Variants in MLLT10 observed in about 807,000 individuals in gnomAD.
MLLT10 encodes the protein protein AF-10.
MLLT10 carries 30 observed loss-of-function variants against 129.1 expected under a neutral mutation model. The observed-to-expected ratio is 0.23, with a 90% CI of 0.17 to 0.32. The LOEUF is 0.32. Among genes scored for constraint, MLLT10 ranks in the 10% least tolerant of loss-of-function variants. MLLT10 has a pLI of 1.00. For missense variants in MLLT10, 1,119 were observed against 1,268.3 expected (o/e 0.88, Z 1.79); for synonymous variants, 490 against 446.4 (o/e 1.10, Z -1.23).
chr10:21,575,827 T>A (rs1486268685), intron 3 of MLLT10, among the ~76,000 whole-genome samples: 1 of 152,204 alleles, frequency 6.6e-6, no homozygotes, highest in Non-Finnish European at 1.5e-5. Context: ...GTGCATACAT[T>A]TATAATTATT....
chr10:21,738,310 G>GTTTTTTTT, intron 21 of MLLT10: 1 of 934,478 alleles, frequency 1.1e-6, no homozygotes, highest in Non-Finnish European at 1.4e-6. Context: ...ATGGGATCTT[G>GTTTTTTTT]TTTTTTCTTA....
chr10:21,714,102 T>C (rs929514743), intron 14 of MLLT10, 152 bp downstream of exon 14: 4 of 614,090 alleles, frequency 6.5e-6, no homozygotes, highest in Non-Finnish European at 1.1e-5. Context: ...AAATGATAGG[T>C]ATTTTTACAT....
rs556234992 is a variant in MLLT10 at position 21,702,505 on chromosome 10, C to G, written c.1700-11267C>G. On this transcript the variant is annotated intron_variant, in intron 13 of 22. Coordinates refer to ENST00000307729, the MANE Select transcript of MLLT10 (RefSeq NM_001195626.3). ...TTGATTTTCTGTGCCAGTGATCTAT[C>G]TAATGTTGAGAGTGGGTTGTTGAAG... Among the ~76,000 whole-genome samples the G allele has an allele frequency of 1.1e-3, 163 of 152,272 alleles. 1 individual carries two copies. The highest frequency in any genetic ancestry group is 3.8e-3 in the African/African-American group (156 of 41,552).
At chr10:21,700,736 G>A (rs1481786873) in intron 13 of MLLT10, among the ~76,000 whole-genome samples, 2 of 152,010 alleles carry the variant, frequency 1.3e-5, no homozygotes, top group East Asian at 3.9e-4. Context: ...TGTTGAATTC[G>A]GTTTGCTAGC....
At chr10:21,716,697 CA>C (rs869027358) in intron 14 of MLLT10, among the ~76,000 whole-genome samples, 237 of 125,476 alleles carry the variant, frequency 1.9e-3, no homozygotes, top group East Asian at 3.7e-3. Flanking sequence ...TCTGTCTCCC[CA>C]AAAAAAAAAA....
At position 21,538,762 on chromosome 10, in the gene MLLT10, T is replaced by G. The variant is rs115492946; in HGVS notation, c.161-71T>G. The G allele has an allele frequency of 1.1e-3, 1,237 of 1,130,604 alleles. 7 individuals carry two copies. The African/African-American group carries it at 0.016, about 15-fold the overall frequency. 70.0% of individuals were successfully genotyped at this position (1,130,604 alleles called of 1,614,324 possible). The stretch of plus-strand genomic sequence containing the variant: ...ATAGTGACAGGTGGATTAATAGGGC[T>G]TTGAAAGGGTATTTGATTTTTCCAT... On this transcript the variant is annotated intron_variant, in intron 2 of 22. Coordinates refer to ENST00000307729, the MANE Select transcript of MLLT10 (RefSeq NM_001195626.3).
At chr10:21,728,283 T>G (rs1159824013) in intron 16 of MLLT10, among the ~76,000 whole-genome samples, 1 of 152,214 alleles carries the variant, frequency 6.6e-6, no homozygotes, top group Non-Finnish European at 1.5e-5. Flanking sequence ...TTAGCTCTGT[T>G]CTGTGTAGCA....
chr10:21,571,095 T>C (rs1564431894), intron 3 of MLLT10, among the ~76,000 whole-genome samples: 2 of 152,224 alleles, frequency 1.3e-5, no homozygotes, highest in African/African-American at 4.8e-5. Flanking sequence ...TTCTTAGTAC[T>C]CCTATGTCAT....
chr10:21,565,573 C>T (rs979966066), intron 3 of MLLT10, among the ~76,000 whole-genome samples: 8 of 149,046 alleles, frequency 5.4e-5, no homozygotes, highest in African/African-American at 2.0e-4. Context: ...TCCCAAAGTG[C>T]TGGGATTACA....
At chr10:21,684,860 C>T (rs372709362) in intron 13 of MLLT10, among the ~76,000 whole-genome samples, 1 of 152,168 alleles carries the variant, frequency 6.6e-6, no homozygotes, top group East Asian at 1.9e-4. Context: ...CTTGTAGTTT[C>T]CTGATGTTAT....
At chr10:21,689,881 A>G (rs2131431106) in intron 13 of MLLT10, among the ~76,000 whole-genome samples, 1 of 151,918 alleles carries the variant, frequency 6.6e-6, no homozygotes, top group African/African-American at 2.4e-5. Flanking sequence ...TTTTGTTACA[A>G]TCTAACCAAA....
At chr10:21,597,867 T>C (rs1336566132) in intron 5 of MLLT10, among the ~76,000 whole-genome samples, 1 of 152,260 alleles carries the variant, frequency 6.6e-6, no homozygotes, top group African/African-American at 2.4e-5. Context: ...TTCTTTTTTT[T>C]GCATCCTATC....
chr10:21,581,922 A>G (rs1195079872), intron 3 of MLLT10, among the ~76,000 whole-genome samples: 1 of 152,176 alleles, frequency 6.6e-6, no homozygotes, highest in Admixed American at 6.6e-5. Flanking sequence ...CTTAATGTAC[A>G]CTAAATTTAT....
chr10:21,596,623 A>C (rs556079257), intron 5 of MLLT10, among the ~76,000 whole-genome samples: 6 of 151,468 alleles, frequency 4.0e-5, no homozygotes, highest in Admixed American at 3.3e-4. Context: ...AAACTTTGCT[A>C]TTCTTTCTAG....
At chr10:21,726,454 G>T in intron 15 of MLLT10, 99 bp downstream of exon 15, 1 of 738,906 alleles carries the variant, frequency 1.4e-6, no homozygotes, top group African/African-American at 1.8e-5. Flanking sequence ...GCAGGGATGT[G>T]GTTAGTAGAG....
chr10:21,560,586 C>T (rs1203153213), intron 3 of MLLT10, among the ~76,000 whole-genome samples: 1 of 152,042 alleles, frequency 6.6e-6, no homozygotes, highest in Non-Finnish European at 1.5e-5. Flanking sequence ...CAGGCACGTA[C>T]TACCACCACC....
At chr10:21,594,034 G>A (rs2131125812) in intron 4 of MLLT10, among the ~76,000 whole-genome samples, 1 of 149,958 alleles carries the variant, frequency 6.7e-6, no homozygotes, top group African/African-American at 2.5e-5. Context: ...TCTGCTTGGT[G>A]CCTTGGGGGT....
chr10:21,663,216 C>A (rs533548769), intron 9 of MLLT10, among the ~76,000 whole-genome samples: 1 of 152,254 alleles, frequency 6.6e-6, no homozygotes, highest in East Asian at 1.9e-4. Context: ...GACCAGGTCC[C>A]CCTGGAGGTT....
At chr10:21,537,013 C>T (rs2034149827) in intron 2 of MLLT10, among the ~76,000 whole-genome samples, 1 of 152,068 alleles carries the variant, frequency 6.6e-6, no homozygotes, top group African/African-American at 2.4e-5. Context: ...TCTTGAACCC[C>T]TGACCCCAGG....
Sources: allele counts gnomAD v4.1 joint callset (sites outside exome capture counted in the v4.1 genomes callset), GRCh38; gene constraint gnomAD v4.1.1; transcripts MANE v1.5; gene names NCBI Gene and HGNC (gene_info 2026-07-23, HGNC 2026-07-21).